TNR: variants seen among roughly 807,000 people sequenced by gnomAD.
The protein encoded by TNR is tenascin-R.
Under a neutral mutation model 150.4 loss-of-function variants are expected in TNR, and 45 were observed. That is an observed-to-expected ratio of 0.30 (90% confidence interval 0.24 to 0.38). TNR has a LOEUF of 0.38. Ranked by LOEUF, TNR falls within the 10% of genes least tolerant of loss-of-function variation. The probability of loss-of-function intolerance (pLI) is 1.00; values close to 1 mark genes in which losing one functional copy is unlikely to be tolerated. For synonymous variants in TNR, 687 were observed against 678.4 expected, an observed-to-expected ratio of 1.01 and a Z score of -0.20; for missense variants, 1,544 against 1,759.1, an observed-to-expected ratio of 0.88 and a Z score of 2.19.
intron 2 of TNR, among the ~76,000 whole-genome samples, chr1:175,523,332 A>T (rs1047165180): frequency 5.3e-5 from 8 of 152,234 alleles, no homozygotes; most frequent in Admixed American, 3.3e-4. Flanking sequence ...AATTATGCAA[A>T]TGATGAGCAC....
At chr1:175,510,621 T>C (rs975429616) in intron 2 of TNR, among the ~76,000 whole-genome samples, 4 of 152,336 alleles carry the variant, frequency 2.6e-5, no homozygotes, top group Admixed American at 6.5e-5. Context: ...GAAAAACTCT[T>C]AATTGGAACT....
intron 3 of TNR, among the ~76,000 whole-genome samples, chr1:175,404,415 G>C (rs1653857329): frequency 6.6e-6 from 1 of 152,150 alleles, no homozygotes; most frequent in African/African-American, 2.4e-5. Flanking sequence ...TGTTTGCTAT[G>C]ACCCCTCTGG....
chr1:175,635,512 G>A (rs16848883), intron 1 of TNR, among the ~76,000 whole-genome samples: 24,467 of 152,170 alleles, frequency 0.16, 2,657 homozygotes, highest in African/African-American at 0.31. Context: ...TGCTTGGCAG[G>A]AGATACGAAG....
At chr1:175,610,254 C>A (rs1412248851) in intron 1 of TNR, among the ~76,000 whole-genome samples, 2 of 152,160 alleles carry the variant, frequency 1.3e-5, no homozygotes, top group Admixed American at 1.3e-4. Context: ...TAAGAAATAA[C>A]CCCCCTCTTT....
chr1:175,697,469 G>A (rs1223876685), intron 1 of TNR, among the ~76,000 whole-genome samples: 2 of 151,408 alleles, frequency 1.3e-5, no homozygotes, highest in Non-Finnish European at 2.9e-5. Context: ...ATCATCACTT[G>A]TTTTCCCTTA....
intron 1 of TNR, among the ~76,000 whole-genome samples, chr1:175,644,154 C>T (rs1664745335): frequency 6.6e-6 from 1 of 152,172 alleles, no homozygotes; most frequent in Non-Finnish European, 1.5e-5. Context: ...GTGTTAGCTG[C>T]TAAGTATTTA....
intron 2 of TNR, among the ~76,000 whole-genome samples, chr1:175,517,807 T>C (rs16848579): frequency 0.11 from 17,013 of 152,218 alleles, 1,356 homozygotes; most frequent in East Asian, 0.38. Flanking sequence ...CTTGCTCACA[T>C]CTCCACATGT....
chr1:175,391,884 C>A (rs1455024965), intron 6 of TNR, among the ~76,000 whole-genome samples: 4 of 152,220 alleles, frequency 2.6e-5, no homozygotes, highest in African/African-American at 2.4e-5. Flanking sequence ...TTTATATACA[C>A]ACACAACACA....
chr1:175,330,025 C>T (rs375754215), intron 21 of TNR, 49 bp downstream of exon 21: 11 of 1,448,096 alleles, frequency 7.6e-6, no homozygotes, highest in Admixed American at 6.4e-5. Flanking sequence ...TCTGGGGGCT[C>T]TTGTCCCATG....
chr1:175,545,284 G>A (rs1660643034), intron 1 of TNR, among the ~76,000 whole-genome samples: 1 of 152,228 alleles, frequency 6.6e-6, no homozygotes, highest in Non-Finnish European at 1.5e-5. Flanking sequence ...AGTGGGAACA[G>A]TTTTAGTGGT....
intron 2 of TNR, among the ~76,000 whole-genome samples, chr1:175,516,733 G>A (rs1241304683): frequency 2.0e-5 from 3 of 152,028 alleles, no homozygotes; most frequent in East Asian, 1.9e-4. Flanking sequence ...AGTTTGAGTC[G>A]GAGGGAACAG....
At chr1:175,457,689 T>C (rs1026882136) in intron 2 of TNR, among the ~76,000 whole-genome samples, 1 of 152,232 alleles carries the variant, frequency 6.6e-6, no homozygotes, top group Admixed American at 6.5e-5. Flanking sequence ...TTGCACTTAC[T>C]TTGTCTTGGG....
At chr1:175,628,447 T>C (rs1664221979) in intron 1 of TNR, among the ~76,000 whole-genome samples, 1 of 151,936 alleles carries the variant, frequency 6.6e-6, no homozygotes, top group African/African-American at 2.4e-5. Flanking sequence ...CACACCAGCA[T>C]GGCACATGTA....
At chr1:175,397,352 C>T (rs1226297163) in intron 4 of TNR, among the ~76,000 whole-genome samples, 1 of 152,174 alleles carries the variant, frequency 6.6e-6, no homozygotes, top group African/African-American at 2.4e-5. Flanking sequence ...AGAGTATTTA[C>T]ATCATGGAAA....
At chr1:175,673,913 A>G (rs1400864986) in intron 1 of TNR, among the ~76,000 whole-genome samples, 1 of 152,262 alleles carries the variant, frequency 6.6e-6, no homozygotes, top group Non-Finnish European at 1.5e-5. Context: ...GAAGACTTGA[A>G]GTGGCTAAGT....
At chr1:175,705,218 A>G (rs540803478) in intron 1 of TNR, among the ~76,000 whole-genome samples, 2 of 152,186 alleles carry the variant, frequency 1.3e-5, no homozygotes, top group Non-Finnish European at 2.9e-5. Context: ...TTTCTAGAAA[A>G]GAGCAGGCTG....
At chr1:175,511,836 G>A (rs1226855557) in intron 2 of TNR, among the ~76,000 whole-genome samples, 1 of 152,204 alleles carries the variant, frequency 6.6e-6, no homozygotes. Context: ...CAACAGTCCT[G>A]AGTTTTGGAG....
chr1:175,736,505 A>T (rs1667776722), intron 1 of TNR, among the ~76,000 whole-genome samples: 1 of 152,008 alleles, frequency 6.6e-6, no homozygotes, highest in Non-Finnish European at 1.5e-5. Context: ...TGGACGACAG[A>T]ACAAGACTCT....
chr1:175,458,035 G>A (rs534981244), intron 2 of TNR, among the ~76,000 whole-genome samples: 1 of 152,322 alleles, frequency 6.6e-6, no homozygotes, highest in South Asian at 2.1e-4. Context: ...TCTGTAAAAT[G>A]GGGAAATAGT....
Sources: allele counts gnomAD v4.1 joint callset (sites outside exome capture counted in the v4.1 genomes callset), GRCh38; gene constraint gnomAD v4.1.1; transcripts MANE v1.5; gene names NCBI Gene and HGNC (gene_info 2026-07-23, HGNC 2026-07-21).